The following WWOX variants were observed in gnomAD, a reference collection of about 807,000 sequenced individuals.
WWOX encodes WW domain containing oxidoreductase, also known as WW domain-containing oxidoreductase.
WWOX carries 69 observed loss-of-function variants against 46.2 expected under a neutral mutation model. The observed-to-expected ratio is 1.49, with a 90% CI of 1.23 to 1.82. The LOEUF is 1.82. Ranked by LOEUF, WWOX falls within the 40% of genes most tolerant of loss-of-function variation. The pLI is 0.00. For synonymous variants in WWOX, 359 were observed against 202.6 expected (o/e 1.77, Z -6.56); for missense variants, 919 against 542.6 (o/e 1.69, Z -6.89).
intron 8 of WWOX, among the ~76,000 whole-genome samples, chr16:78,835,654 G>A (rs566890973): frequency 2.0e-5 from 3 of 152,272 alleles, no homozygotes; most frequent in South Asian, 2.1e-4. Flanking sequence ...GATGCGACGT[G>A]ACTTGCCTAA....
intron 8 of WWOX, among the ~76,000 whole-genome samples, chr16:78,982,212 T>G (rs1481271866): frequency 6.6e-6 from 1 of 152,126 alleles, no homozygotes; most frequent in Non-Finnish European, 1.5e-5. Context: ...GCCTAAGAAA[T>G]AGGAACATGA....
chr16:79,182,381 C>G (rs555923004), intron 8 of WWOX, among the ~76,000 whole-genome samples: 110 of 152,204 alleles, frequency 7.2e-4, no homozygotes, highest in Middle Eastern at 3.4e-3. Context: ...AGCCCTTGGT[C>G]TCGATATTCA....
chr16:78,873,737 T>C (rs2044175996), intron 8 of WWOX, among the ~76,000 whole-genome samples: 1 of 152,124 alleles, frequency 6.6e-6, no homozygotes, highest in African/African-American at 2.4e-5. Flanking sequence ...TGCAGAGAGC[T>C]GTTATTGTAC....
chr16:78,358,695 T>C (rs2081347964), intron 5 of WWOX, among the ~76,000 whole-genome samples: 1 of 148,634 alleles, frequency 6.7e-6, no homozygotes, highest in African/African-American at 2.5e-5. Flanking sequence ...TGTGTGTGTG[T>C]ATGTACATGA....
chr16:78,450,270 A>G (rs568760576), intron 8 of WWOX, among the ~76,000 whole-genome samples: 13 of 152,344 alleles, frequency 8.5e-5, no homozygotes, highest in Non-Finnish European at 1.8e-4. Context: ...GTTGCATATG[A>G]TGGGATCTCT....
chr16:78,251,477 G>T (rs1597402714), intron 5 of WWOX, among the ~76,000 whole-genome samples: 1 of 152,256 alleles, frequency 6.6e-6, no homozygotes, highest in Non-Finnish European at 1.5e-5. Flanking sequence ...ACAGGTGCCA[G>T]GCGTCTCTCA....
intron 8 of WWOX, among the ~76,000 whole-genome samples, chr16:78,706,309 C>T (rs1048118988): frequency 6.6e-6 from 1 of 152,072 alleles, no homozygotes; most frequent in Admixed American, 6.5e-5. Flanking sequence ...TTCAACACAT[C>T]TCTTATTTCT....
chr16:78,784,315 C>G (rs1179131727), intron 8 of WWOX, among the ~76,000 whole-genome samples: 4 of 152,088 alleles, frequency 2.6e-5, no homozygotes, highest in Non-Finnish European at 5.9e-5. Context: ...AGCCCTGACT[C>G]CTTTTGTGAC....
intron 8 of WWOX, among the ~76,000 whole-genome samples, chr16:78,444,488 T>G (rs2083513567): frequency 6.6e-6 from 1 of 151,848 alleles, no homozygotes; most frequent in Non-Finnish European, 1.5e-5. Flanking sequence ...TATTTTCATG[T>G]CAGAAATTAT....
intron 5 of WWOX, among the ~76,000 whole-genome samples, chr16:78,289,559 C>T (rs901945901): frequency 5.3e-5 from 8 of 152,122 alleles, no homozygotes; most frequent in East Asian, 3.9e-4. Context: ...CAATCGGTTC[C>T]GCTGTCCTGC....
chr16:78,907,344 T>C (rs1029717788), intron 8 of WWOX, among the ~76,000 whole-genome samples: 4 of 152,180 alleles, frequency 2.6e-5, no homozygotes, highest in Non-Finnish European at 5.9e-5. Flanking sequence ...CAAAGTGATG[T>C]TATCTGCAGG....
At chr16:78,337,279 T>C (rs539249570) in intron 5 of WWOX, among the ~76,000 whole-genome samples, 7 of 152,304 alleles carry the variant, frequency 4.6e-5, no homozygotes, top group African/African-American at 1.7e-4. Context: ...TGTTTTTTTA[T>C]TCCTTTATAA....
intron 5 of WWOX, among the ~76,000 whole-genome samples, chr16:78,319,364 G>C (rs965426308): frequency 3.9e-5 from 6 of 152,062 alleles, no homozygotes; most frequent in African/African-American, 1.4e-4. Context: ...GGCTCACTGC[G>C]ATCCTCCCAC....
intron 8 of WWOX, among the ~76,000 whole-genome samples, chr16:78,470,846 A>G (rs987688215): frequency 1.4e-4 from 22 of 152,190 alleles, no homozygotes; most frequent in African/African-American, 2.2e-4. Flanking sequence ...CCCCACTGCT[A>G]TTGTCCAGTG....
chr16:79,089,648 C>T (rs2048918082), intron 8 of WWOX, among the ~76,000 whole-genome samples: 2 of 152,086 alleles, frequency 1.3e-5, no homozygotes, highest in African/African-American at 2.4e-5. Flanking sequence ...AATCTTTATA[C>T]ATAAAAAACA....
chr16:78,496,069 ACTT>A (rs1292982247), intron 8 of WWOX: 2 of 152,108 alleles, frequency 1.3e-5, no homozygotes, highest in African/African-American at 2.4e-5. Context: ...TTAGACTTGT[ACTT>A]CTTTTAGGCT....
chr16:78,524,147 T>C (rs2151502430), intron 8 of WWOX, among the ~76,000 whole-genome samples: 1 of 152,328 alleles, frequency 6.6e-6, no homozygotes, highest in African/African-American at 2.4e-5. Flanking sequence ...TGTGTTTGGG[T>C]TGATTCCCTT....
chr16:78,274,728 T>C (rs1166868212), intron 5 of WWOX, among the ~76,000 whole-genome samples: 1 of 152,208 alleles, frequency 6.6e-6, no homozygotes, highest in East Asian at 1.9e-4. Context: ...TTTCGTTTCT[T>C]GGGCGAGGGC....
At chr16:78,103,193 C>T (rs904377164) in intron 1 of WWOX, among the ~76,000 whole-genome samples, 1 of 151,946 alleles carries the variant, frequency 6.6e-6, no homozygotes, top group African/African-American at 2.4e-5. Context: ...TTTCCTCCAG[C>T]CCTCCCGACT....
Sources: gnomAD v4.1 joint callset for allele counts (sites outside exome capture counted in the v4.1 genomes callset) on GRCh38, gnomAD v4.1.1 for gene constraint, MANE v1.5 for transcripts, NCBI Gene and HGNC (gene_info 2026-07-23, HGNC 2026-07-21) for gene names.